FAM13C: variants seen among roughly 807,000 people sequenced by gnomAD.
The protein encoded by FAM13C is family with sequence similarity 13 member C.
Under a neutral mutation model 73.2 loss-of-function variants are expected in FAM13C, and 37 were observed. That is an observed-to-expected ratio of 0.51 (90% CI 0.39 to 0.67). The LOEUF is 0.67. Among genes scored for constraint, FAM13C ranks in the 30% least tolerant of loss-of-function variants. FAM13C has a pLI of 0.00. For missense variants in FAM13C, 589 were observed against 715.6 expected (o/e 0.82, Z 2.02); for synonymous variants, 246 against 260.9 (o/e 0.94, Z 0.55).
At chr10:59,333,662 A>T (rs903013699) in intron 3 of FAM13C, among the ~76,000 whole-genome samples, 3 of 152,262 alleles carry the variant, frequency 2.0e-5, no homozygotes, top group South Asian at 4.1e-4. Context: ...TATGTCTGTT[A>T]TTCTTTGCTT....
chr10:59,318,360 G>T (rs1849787725), intron 4 of FAM13C, among the ~76,000 whole-genome samples: 1 of 152,036 alleles, frequency 6.6e-6, no homozygotes, highest in South Asian at 2.1e-4. Flanking sequence ...GACTGGGTGT[G>T]GGATTTTTGT....
chr10:59,285,961 C>T (rs113118446), intron 5 of FAM13C, among the ~76,000 whole-genome samples: 1 of 152,040 alleles, frequency 6.6e-6, no homozygotes, highest in South Asian at 2.1e-4. Flanking sequence ...GTTTCCAAGT[C>T]TGATATTTGT....
rs185561015 is a variant in FAM13C, at chr10:59,309,128, G to A, written c.444-6264C>T. 5.2e-3 allele frequency among the ~76,000 whole-genome samples: 795 copies of A among 152,302 alleles called. 3 individuals are homozygous for A. Among genetic ancestry groups the A allele is most frequent in the Non-Finnish European group, 7.9e-3 (536 of 68,022 alleles). ...AATGGCTCATGGAAGACAACGGACA[G>A]CTATCTAACGCTTTTCTTTCCCTTA... is the stretch of plus-strand genomic sequence containing the variant. On this transcript the variant is annotated intron_variant, in intron 4 of 13. Coordinates refer to ENST00000618804, the MANE Select transcript of FAM13C (RefSeq NM_198215.4).
chr10:59,358,062 A>T (rs1396227108), intron 1 of FAM13C, among the ~76,000 whole-genome samples: 1 of 152,130 alleles, frequency 6.6e-6, no homozygotes, highest in Non-Finnish European at 1.5e-5. Context: ...CTTTCTACTT[A>T]CTGAAATATT....
In FAM13C at chr10:59,333,578, T is replaced by C. The variant is rs79863216; in HGVS notation, c.325-9472A>G. Among the ~76,000 whole-genome samples the C allele has an allele frequency of 4.4e-3, 668 of 152,308 alleles. 22 individuals carry two copies. In the South Asian group the frequency reaches 0.061, roughly 14 times the overall value. The stretch of plus-strand genomic sequence containing the variant: ...TGGGAAAAGCCCACCTTTTATTCCT[T>C]TTTTGGGGGCTGAGAAGGCAAACAG... On this transcript the variant is annotated intron_variant, in intron 3 of 13. Transcript: ENST00000618804.
chr10:59,248,661 C>G (rs1840986302), intron 13 of FAM13C, among the ~76,000 whole-genome samples: 1 of 152,102 alleles, frequency 6.6e-6, no homozygotes, highest in Admixed American at 6.6e-5. Context: ...AATATAACCA[C>G]AAGTATTCTC....
chr10:59,298,526 A>C (rs1314379921), intron 5 of FAM13C, among the ~76,000 whole-genome samples: 1 of 152,172 alleles, frequency 6.6e-6, no homozygotes, highest in East Asian at 1.9e-4. Flanking sequence ...GGGTGAGTAT[A>C]ATAAAGAAGA....
In FAM13C at chr10:59,355,826, C is replaced by A; in HGVS notation, c.119+61G>T. On this transcript the variant is annotated intron_variant, in intron 2 of 13. Transcript: ENST00000618804. ...GAAGAGACTAGAATTCAAAGGAAAGCCACCAGACCTAGATGGCTTCTGTCT... is the reference window on the plus strand; with the variant it reads ...GAAGAGACTAGAATTCAAAGGAAAGACACCAGACCTAGATGGCTTCTGTCT... 3 of 1,453,018 alleles carry A rather than the reference C, an allele frequency of 2.1e-6. No individual in the cohort carries two copies. In the South Asian group the frequency reaches 3.4e-5, roughly 17 times the overall value. 90.0% of individuals were successfully genotyped at this position (1,453,018 alleles called of 1,614,324 possible).
chr10:59,330,182 T>G (rs1345715630), intron 3 of FAM13C, among the ~76,000 whole-genome samples: 2 of 152,226 alleles, frequency 1.3e-5, no homozygotes, highest in Non-Finnish European at 2.9e-5. Context: ...AAAAGTGATT[T>G]AATACTTTAT....
intron 6 of FAM13C, among the ~76,000 whole-genome samples, chr10:59,273,842 T>C (rs541411439): frequency 2.0e-5 from 3 of 152,244 alleles, no homozygotes; most frequent in African/African-American, 7.2e-5. Flanking sequence ...TGCTACATTA[T>C]AGTGGTTAAA....
rs375098743 is a variant in FAM13C, at chr10:59,262,581, C to A, written c.1089G>T (p.Leu363Phe). 63 of 1,613,706 alleles carry A rather than the reference C, an allele frequency of 3.9e-5. No homozygotes were observed. Among genetic ancestry groups the A allele is most frequent in the South Asian group, 3.1e-4 (28 of 91,086 alleles). ...CTCTGGGGACTGTGGGTTGCTCACA[C>A]AACAGGTTTCTAGGTGGACCTTTGG... ...SAPKGPPRNL[L>F]CEQPTVPREN... is the part of the protein sequence containing the mutation. Residue 363 changes from leucine (L) to phenylalanine (F), a missense_variant, in exon 10 of 14, where the codon TTG (leucine) becomes TTT (phenylalanine). Coordinates refer to ENST00000618804, the MANE Select transcript of FAM13C (RefSeq NM_198215.4).
intron 6 of FAM13C, among the ~76,000 whole-genome samples, chr10:59,271,408 T>A (rs1843705646): frequency 6.6e-6 from 1 of 152,210 alleles, no homozygotes; most frequent in Admixed American, 6.5e-5. Flanking sequence ...GCTTCTCCCC[T>A]GGTGGATTGT....
intron 3 of FAM13C, among the ~76,000 whole-genome samples, chr10:59,329,762 T>C (rs185913724): frequency 1.3e-5 from 2 of 152,294 alleles, no homozygotes; most frequent in South Asian, 2.1e-4. Context: ...TATCATATCA[T>C]ATATATTTTC....
At chr10:59,303,052 G>A (rs1398024879) in intron 4 of FAM13C, among the ~76,000 whole-genome samples, 188 bp from the exon 5 acceptor site, 1 of 152,044 alleles carries the variant, frequency 6.6e-6, no homozygotes, top group African/African-American at 2.4e-5. Flanking sequence ...AACCCTGACA[G>A]CCTCCCTGGT....
intron 10 of FAM13C, among the ~76,000 whole-genome samples, chr10:59,261,061 T>C (rs1842459407): frequency 6.6e-6 from 1 of 152,146 alleles, no homozygotes; most frequent in Non-Finnish European, 1.5e-5. Context: ...ACCAAGATGC[T>C]TTAATAGATG....
chr10:59,345,188 CA>C lies in FAM13C; in HGVS notation c.324+7081del, dbSNP rs567275420. On this transcript the variant is annotated intron_variant, in intron 3 of 13. Coordinates refer to ENST00000618804, the MANE Select transcript of FAM13C (RefSeq NM_198215.4). ...GCAGAGATCAGTCCTTGCCATCCTCCATTGCTATACTCAACCAACACCATCG... is the reference window on the plus strand; with the variant it reads ...GCAGAGATCAGTCCTTGCCATCCTCCTTGCTATACTCAACCAACACCATCG... Among the ~76,000 whole-genome samples the C allele has an allele frequency of 5.5e-3, 837 of 152,276 alleles. 11 individuals carry two copies. Among genetic ancestry groups the C allele is most frequent in the African/African-American group, 0.019 (780 of 41,548 alleles).
chr10:59,308,544 C>CCACCAACCACCAT (rs1848528019), intron 4 of FAM13C, among the ~76,000 whole-genome samples: 1 of 56,066 alleles, frequency 1.8e-5, no homozygotes, highest in Non-Finnish European at 4.6e-5. Context: ...ATCACCCCCA[C>CCACCAACCACCAT]CACCACCACC....
At chr10:59,338,351 C>G (rs1489813813) in intron 3 of FAM13C, among the ~76,000 whole-genome samples, 1 of 152,116 alleles carries the variant, frequency 6.6e-6, no homozygotes, top group East Asian at 1.9e-4. Flanking sequence ...GCATCCACAA[C>G]TACAGAAGTC....
intron 3 of FAM13C, among the ~76,000 whole-genome samples, chr10:59,329,637 C>T (rs1160595790): frequency 6.6e-6 from 1 of 152,028 alleles, no homozygotes; most frequent in East Asian, 1.9e-4. Flanking sequence ...AGATTACAGT[C>T]GTAAGCAACT....
Sources: allele counts gnomAD v4.1 joint callset (sites outside exome capture counted in the v4.1 genomes callset), GRCh38; gene constraint gnomAD v4.1.1; transcripts MANE v1.5; gene names NCBI Gene and HGNC (gene_info 2026-07-23, HGNC 2026-07-21).